ROR2: variants seen among roughly 807,000 people sequenced by gnomAD.
ROR2 encodes the protein ROR family WNT receptor 2, also known as tyrosine-protein kinase transmembrane receptor ROR2.
Under a neutral mutation model 74.9 loss-of-function variants are expected in ROR2, and 33 were observed. That is an observed-to-expected ratio of 0.44 (90% CI 0.33 to 0.59). ROR2 has a LOEUF of 0.59. ROR2 is among the 20% of genes least tolerant of loss of function. The pLI is 0.02. For synonymous variants in ROR2, 586 were observed against 558.7 expected (o/e 1.05, Z -0.69); for missense variants, 1,216 against 1,313.8 (o/e 0.93, Z 1.15).
At chr9:91,805,898 C>G (rs945187800) in intron 1 of ROR2, among the ~76,000 whole-genome samples, 5 of 152,246 alleles carry the variant, frequency 3.3e-5, no homozygotes, top group African/African-American at 1.2e-4. Context: ...AGGGACAAAA[C>G]TGATGGAATC....
At chr9:91,804,967 G>C in intron 1 of ROR2, among the ~76,000 whole-genome samples, 1 of 152,152 alleles carries the variant, frequency 6.6e-6, no homozygotes, top group East Asian at 1.9e-4. Flanking sequence ...TAGGAATAAG[G>C]TATGTACCCT....
chr9:91,867,956 C>A (rs1829690994), intron 1 of ROR2, among the ~76,000 whole-genome samples: 1 of 152,150 alleles, frequency 6.6e-6, no homozygotes, highest in Admixed American at 6.5e-5. Context: ...GTCTCACCAC[C>A]AAAATCTAAT....
intron 1 of ROR2, among the ~76,000 whole-genome samples, chr9:91,813,834 C>T (rs775254144): frequency 6.6e-6 from 1 of 152,176 alleles, no homozygotes; most frequent in Non-Finnish European, 1.5e-5. Flanking sequence ...AAAAATGAGG[C>T]TTCCCCATGC....
chr9:91,948,541 A>ATCAAC (rs1243825693), intron 1 of ROR2: 1 of 980,396 alleles, frequency 1.0e-6, no homozygotes, highest in East Asian at 1.1e-4. Context: ...GTCTGACGTA[A>ATCAAC]TCAACATCTG....
At chr9:91,810,725 G>A (rs1191421808) in intron 1 of ROR2, among the ~76,000 whole-genome samples, 1 of 152,220 alleles carries the variant, frequency 6.6e-6, no homozygotes, top group Non-Finnish European at 1.5e-5. Context: ...GGAGCCCTGC[G>A]GTCTGTGTCA....
chr9:91,915,835 A>G (rs1486674593), intron 1 of ROR2, among the ~76,000 whole-genome samples: 1 of 152,166 alleles, frequency 6.6e-6, no homozygotes, highest in East Asian at 1.9e-4. Flanking sequence ...GCTTTTTACA[A>G]TCCTAGATAC....
intron 1 of ROR2, among the ~76,000 whole-genome samples, chr9:91,898,160 T>A (rs1356822537): frequency 6.6e-6 from 1 of 152,228 alleles, no homozygotes; most frequent in African/African-American, 2.4e-5. Flanking sequence ...TTTGCCAATT[T>A]AGTGAAGCAT....
At chr9:91,738,996 G>A (rs566347482) in intron 4 of ROR2, among the ~76,000 whole-genome samples, 10 of 152,316 alleles carry the variant, frequency 6.6e-5, no homozygotes, top group African/African-American at 2.2e-4. Context: ...ACCCTCCAAA[G>A]GTCCATTGAC....
intron 1 of ROR2, among the ~76,000 whole-genome samples, chr9:91,805,693 A>G (rs1587735952): frequency 6.6e-6 from 1 of 152,222 alleles, no homozygotes; most frequent in East Asian, 1.9e-4. Context: ...ACACACAAGT[A>G]TGAACATACG....
chr9:91,739,078 A>G (rs1477666272), intron 4 of ROR2, among the ~76,000 whole-genome samples: 1 of 152,248 alleles, frequency 6.6e-6, no homozygotes, highest in African/African-American at 2.4e-5. Context: ...ATGCTCGGAC[A>G]AGCCTTGCAT....
At chr9:91,751,809 T>C (rs1825603987) in intron 4 of ROR2, among the ~76,000 whole-genome samples, 1 of 152,118 alleles carries the variant, frequency 6.6e-6, no homozygotes, top group Admixed American at 6.6e-5. Context: ...TCTAACTGGT[T>C]ACAAAGAAAA....
intron 1 of ROR2, among the ~76,000 whole-genome samples, chr9:91,933,954 G>T (rs576623744): frequency 6.6e-6 from 1 of 152,138 alleles, no homozygotes; most frequent in South Asian, 2.1e-4. Context: ...TGGATTAAAA[G>T]ACATTGAATT....
chr9:91,819,098 G>A (rs1828044976), intron 1 of ROR2, among the ~76,000 whole-genome samples: 1 of 152,186 alleles, frequency 6.6e-6, no homozygotes, highest in South Asian at 2.1e-4. Flanking sequence ...GGAGGGAAAT[G>A]GCCACAGTGG....
intron 1 of ROR2, among the ~76,000 whole-genome samples, chr9:91,933,205 A>T (rs1831596108): frequency 6.6e-6 from 1 of 152,098 alleles, no homozygotes. Context: ...GGTCCCAGCT[A>T]CTCAGGATGC....
intron 1 of ROR2, among the ~76,000 whole-genome samples, chr9:91,908,615 TAA>T (rs1335342338): frequency 6.6e-6 from 1 of 152,112 alleles, no homozygotes; most frequent in Non-Finnish European, 1.5e-5. Flanking sequence ...CAGTGGGAAA[TAA>T]ACAATATCAG....
intron 1 of ROR2, among the ~76,000 whole-genome samples, chr9:91,803,022 G>A (rs953925242): frequency 6.6e-6 from 1 of 152,096 alleles, no homozygotes; most frequent in Non-Finnish European, 1.5e-5. Context: ...TAAGGCAGCC[G>A]TAAAAACAGA....
chr9:91,877,233 T>G (rs1829982750), intron 1 of ROR2, among the ~76,000 whole-genome samples: 1 of 152,164 alleles, frequency 6.6e-6, no homozygotes, highest in Non-Finnish European at 1.5e-5. Flanking sequence ...GCTTCCTACA[T>G]TTGTGTCTCC....
At chr9:91,741,839 G>A (rs1489158297) in intron 4 of ROR2, among the ~76,000 whole-genome samples, 1 of 152,160 alleles carries the variant, frequency 6.6e-6, no homozygotes, top group African/African-American at 2.4e-5. Context: ...ATATGCAGCT[G>A]TATCAAAACT....
intron 1 of ROR2, among the ~76,000 whole-genome samples, chr9:91,851,977 A>G (rs1309368640): frequency 6.6e-6 from 1 of 151,656 alleles, no homozygotes; most frequent in Non-Finnish European, 1.5e-5. Context: ...CTCTGTTAAA[A>G]AAAAAAAAAA....
Sources: allele counts gnomAD v4.1 joint callset (sites outside exome capture counted in the v4.1 genomes callset), GRCh38; gene constraint gnomAD v4.1.1; transcripts MANE v1.5; gene names NCBI Gene and HGNC (gene_info 2026-07-23, HGNC 2026-07-21).